The following ASB3 variants were observed in gnomAD, a reference collection of about 807,000 sequenced individuals.
ASB3 encodes ankyrin repeat and SOCS box protein 3.
ASB3 carries 41 observed loss-of-function variants against 54.5 expected under a neutral mutation model. The ratio of observed to expected loss-of-function variants is 0.75; its 90% CI spans 0.59 to 0.98. The LOEUF is 0.98. Among genes scored for constraint, ASB3 ranks in the 50% least tolerant of loss-of-function variants. The pLI, the probability that ASB3 is intolerant of heterozygous loss-of-function variation, is 0.00. For synonymous variants in ASB3, 266 were observed against 221.2 expected, an observed-to-expected ratio of 1.20 and a Z score of -1.80; for missense variants, 733 against 620.0, an observed-to-expected ratio of 1.18 and a Z score of -1.94.
chr2:53,743,225 G>C (rs537925238), intron 3 of ASB3, among the ~76,000 whole-genome samples: 1 of 142,494 alleles, frequency 7.0e-6, no homozygotes, highest in African/African-American at 2.6e-5. Context: ...GGCTGGTCTC[G>C]AACTCCTGGC....
intron 5 of ASB3, among the ~76,000 whole-genome samples, chr2:53,723,097 CA>C (rs1377316063): frequency 6.6e-6 from 1 of 150,634 alleles, no homozygotes; most frequent in East Asian, 1.9e-4. Context: ...TAACAGCCAC[CA>C]AAAAAAAATT....
intron 2 of ASB3, chr2:53,756,896 T>C (rs1558562959): frequency 6.5e-6 from 1 of 153,034 alleles, no homozygotes; most frequent in Admixed American, 6.5e-5. Context: ...GGCTCACCAT[T>C]GTTCCTGCAC....
At chr2:53,776,123 G>A (rs551615046) in intron 1 of ASB3, among the ~76,000 whole-genome samples, 8 of 152,294 alleles carry the variant, frequency 5.3e-5, no homozygotes, top group Admixed American at 5.2e-4. Flanking sequence ...ACTCAGGCAT[G>A]ACTAATAATT....
rs192094389 is a variant in ASB3, at chr2:53,768,818, A to G, written c.-13-3233T>C. ...TTAGCAGCAGCTCACTGCTTATGCA[A>G]ATCAGCTTTGTACTGGCTACAAAAC... On this transcript the variant is annotated intron_variant, in intron 1 of 9. Transcript: ENST00000263634. 1.5e-4 allele frequency among the ~76,000 whole-genome samples: 23 copies of G among 152,364 alleles called. No homozygotes were observed. The East Asian group carries it at 4.0e-3, about 27-fold the overall frequency.
At chr2:53,683,342 A>G (rs1668475423) in intron 9 of ASB3, among the ~76,000 whole-genome samples, 1 of 143,616 alleles carries the variant, frequency 7.0e-6, no homozygotes, top group Non-Finnish European at 1.5e-5. Flanking sequence ...ATGATCTTTT[A>G]AATGTGTTGT....
At chr2:53,683,453 G>T (rs554214214) in intron 9 of ASB3, among the ~76,000 whole-genome samples, 3 of 151,580 alleles carry the variant, frequency 2.0e-5, no homozygotes, top group African/African-American at 7.3e-5. Flanking sequence ...TTTTTGATGT[G>T]TCTTTGTCTG....
At position 53,780,710 on chromosome 2, in the gene ASB3, C is replaced by A. The variant is rs576940755; in HGVS notation, c.-14+6111G>T. Among the ~76,000 whole-genome samples the A allele has an allele frequency of 6.6e-5, 10 of 152,232 alleles. No homozygotes were observed. In the South Asian group the frequency reaches 2.1e-3, roughly 32 times the overall value. Reference sequence around the variant, plus strand: ...GAAGGATCTCTTGAGCCCAGAAGTTCAAGGCTGCAGTGAGCTATCATAAGG... The same window carrying A: ...GAAGGATCTCTTGAGCCCAGAAGTTAAAGGCTGCAGTGAGCTATCATAAGG... On this transcript the variant is annotated intron_variant, in intron 1 of 9. Coordinates refer to ENST00000263634, the MANE Select transcript of ASB3 (RefSeq NM_016115.5).
At chr2:53,752,234 A>C (rs1256038523) in intron 2 of ASB3, among the ~76,000 whole-genome samples, 1 of 152,208 alleles carries the variant, frequency 6.6e-6, no homozygotes, top group Non-Finnish European at 1.5e-5. Flanking sequence ...TCAAGTTGAT[A>C]AGTCTAGGGT....
intron 2 of ASB3, among the ~76,000 whole-genome samples, chr2:53,755,208 T>C (rs1672748742): frequency 6.6e-6 from 1 of 152,228 alleles, no homozygotes; most frequent in Admixed American, 6.5e-5. Context: ...ACTTGGAGAA[T>C]TAGAGCCACC....
chr2:53,733,980 T>G (rs534925578), intron 3 of ASB3, among the ~76,000 whole-genome samples: 1 of 152,396 alleles, frequency 6.6e-6, no homozygotes, highest in African/African-American at 2.4e-5. Context: ...TGGCTAGTTA[T>G]CTGCAGCAGG....
intron 5 of ASB3, among the ~76,000 whole-genome samples, chr2:53,728,099 A>G (rs1279277902): frequency 6.6e-6 from 1 of 152,094 alleles, no homozygotes; most frequent in African/African-American, 2.4e-5. Context: ...TAGCACTGTG[A>G]AGAGCATATC....
chr2:53,670,532 G>A lies in ASB3; in HGVS notation c.1528C>T (p.Pro510Ser). The change falls in exon 10 of 10, where the codon CCA (proline) becomes TCA (serine). Residue 510 changes from proline to serine, a missense_variant. By Grantham distance (74) the Pro-to-Ser change is moderately conservative. Transcript: ENST00000263634. ...CCATCTTGAATAGCTGCCAGTTCTG[G>A]AACTTCATACATCCTCAGAACGTCT... The part of the protein sequence containing the change: ...YEDVLRMYEV[P>S]ELAAIQDG The A allele has an allele frequency of 1.2e-6, 2 of 1,613,690 alleles. No homozygotes were observed. The highest frequency in any genetic ancestry group is 1.7e-6 in the Non-Finnish European group (2 of 1,179,956).
chr2:53,772,360 G>T (rs1673993614), intron 1 of ASB3, among the ~76,000 whole-genome samples: 1 of 152,058 alleles, frequency 6.6e-6, no homozygotes, highest in African/African-American at 2.4e-5. Context: ...ATTTTTAGTA[G>T]AGACGAGGTT....
chr2:53,739,142 T>G (rs1353372259), intron 3 of ASB3, among the ~76,000 whole-genome samples: 1 of 152,228 alleles, frequency 6.6e-6, no homozygotes, highest in Non-Finnish European at 1.5e-5. Context: ...AAAAAACACC[T>G]TTTTCCATTT....
chr2:53,707,682 C>A (rs1027166899), intron 7 of ASB3, among the ~76,000 whole-genome samples: 2 of 149,586 alleles, frequency 1.3e-5, no homozygotes, highest in African/African-American at 4.9e-5. Flanking sequence ...CAGAGTATGC[C>A]GGGCACAGTG....
chr2:53,671,457 A>T (rs1667814834), intron 9 of ASB3, among the ~76,000 whole-genome samples: 1 of 151,982 alleles, frequency 6.6e-6, no homozygotes, highest in South Asian at 2.1e-4. Context: ...TCAAATGCAC[A>T]TAATTAAGAA....
chr2:53,746,839 T>C (rs1253880683), intron 3 of ASB3, among the ~76,000 whole-genome samples: 1 of 152,154 alleles, frequency 6.6e-6, no homozygotes, highest in Non-Finnish European at 1.5e-5. Context: ...AAATACTATA[T>C]TGGCCAGGCA....
chr2:53,705,402 A>C (rs1369620406), intron 7 of ASB3, among the ~76,000 whole-genome samples: 1 of 152,206 alleles, frequency 6.6e-6, no homozygotes, highest in Non-Finnish European at 1.5e-5. Flanking sequence ...CACAAAAAAA[A>C]CAAAACTAAG....
intron 7 of ASB3, among the ~76,000 whole-genome samples, chr2:53,709,950 G>C (rs573695053): frequency 1.8e-4 from 27 of 152,310 alleles, no homozygotes; most frequent in Non-Finnish European, 3.1e-4. Context: ...CGTCCTGTGG[G>C]GAGGCTTTTA....
Sources: gnomAD v4.1 joint callset for allele counts (sites outside exome capture counted in the v4.1 genomes callset) on GRCh38, gnomAD v4.1.1 for gene constraint, MANE v1.5 for transcripts, NCBI Gene and HGNC (gene_info 2026-07-23, HGNC 2026-07-21) for gene names.